Variants in EXOC5 observed in about 807,000 individuals in gnomAD.
EXOC5 encodes SEC10-like 1.
In EXOC5, 17 loss-of-function variants were observed where a neutral mutation model predicts 90.8. That is an observed-to-expected ratio of 0.19 (90% CI 0.13 to 0.28). EXOC5 has a LOEUF of 0.28. Ranked by LOEUF, EXOC5 falls within the 10% of genes least tolerant of loss-of-function variation. The pLI is 1.00. For synonymous variants in EXOC5, 260 were observed against 270.0 expected (o/e 0.96, Z 0.36); for missense variants, 569 against 830.6 (o/e 0.69, Z 3.87).
At chr14:57,214,182 C>T (rs191991723) in intron 15 of EXOC5, among the ~76,000 whole-genome samples, 1 of 151,980 alleles carries the variant, frequency 6.6e-6, no homozygotes, top group Non-Finnish European at 1.5e-5. Context: ...TACACACATG[C>T]CATTTTATTA....
intron 14 of EXOC5, 125 bp downstream of exon 14, chr14:57,219,197 C>A: frequency 2.1e-6 from 1 of 465,664 alleles, no homozygotes; most frequent in Middle Eastern, 5.9e-4. Context: ...TATTTCATTT[C>A]ACTTGTCCAG....
At position 57,218,055 on chromosome 14, in the gene EXOC5, A is replaced by T. The variant is rs1594650872; in HGVS notation, c.1540T>A (p.Leu514Ile). The T allele has an allele frequency of 6.8e-7, 1 of 1,478,528 alleles. No individual in the cohort carries two copies. The highest frequency in any genetic ancestry group is 1.8e-4 in the Middle Eastern group (1 of 5,654). The allele number at this position is 1,478,528 out of a possible 1,614,324, so 91.6% of individuals were successfully genotyped here. The change falls in exon 15 of 18, where the codon TTA (leucine) becomes ATA (isoleucine). Residue 514 changes from leucine (L) to isoleucine (I), a missense_variant. Physicochemically the swap from Leu to Ile is conservative, Grantham distance 5 (BLOSUM62 2). Coordinates refer to ENST00000621441, the MANE Select transcript of EXOC5 (RefSeq NM_006544.4). Reference sequence around the variant, plus strand: ...TTTTTCTTCTGAAGGCATTCAGATAACTTAGGAGAAGAGCTATTGTATATT... The same window carrying T: ...TTTTTCTTCTGAAGGCATTCAGATATCTTAGGAGAAGAGCTATTGTATATT... ...LMPLISSSPK[L>I]SECLQKKKEI...
rs1882533718 is a variant in EXOC5, at chr14:57,202,402, T to C, written c.*6207A>G. The C allele has an allele frequency of 1.3e-5, 2 of 152,202 alleles. No homozygotes were observed. The allele number at this position is 152,202 out of a possible 1,614,324, so 9.4% of individuals were successfully genotyped here. ...TTAACTTCCCAATTTTCATGTATTGTAGTTATACTGAAGCATTCTTTCTTC... is the reference window on the plus strand; with the variant it reads ...TTAACTTCCCAATTTTCATGTATTGCAGTTATACTGAAGCATTCTTTCTTC... On this transcript the variant is annotated 3_prime_UTR_variant, in exon 18 of 18. Transcript: ENST00000621441.
chr14:57,247,121 C>A (rs1256784874), intron 2 of EXOC5, among the ~76,000 whole-genome samples: 1 of 152,088 alleles, frequency 6.6e-6, no homozygotes, highest in Non-Finnish European at 1.5e-5. Context: ...CAGGCTTTAA[C>A]TATTGACTTT....
chr14:57,219,116 T>C (rs1461455159), intron 14 of EXOC5, among the ~76,000 whole-genome samples: 1 of 152,072 alleles, frequency 6.6e-6, no homozygotes, highest in Non-Finnish European at 1.5e-5. Context: ...AATAATATAG[T>C]GGAAAGAGAA....
chr14:57,238,227 C>T (rs1362198210), intron 5 of EXOC5, among the ~76,000 whole-genome samples: 2,829 of 109,752 alleles, frequency 0.026, 89 homozygotes, highest in African/African-American at 0.13. Context: ...TATATATACA[C>T]ACACACACAC....
chr14:57,230,746 C>A (rs1170639938), intron 11 of EXOC5, among the ~76,000 whole-genome samples: 3 of 152,014 alleles, frequency 2.0e-5, no homozygotes, highest in African/African-American at 7.3e-5. Context: ...TAATTGTAGG[C>A]ATTAAGGTAT....
Position 57,255,172 on chromosome 14 carries a change from C to T in EXOC5, c.28-7460G>A, listed in dbSNP as rs138212261. On this transcript the variant is annotated intron_variant, in intron 1 of 17. Coordinates refer to ENST00000621441, the MANE Select transcript of EXOC5 (RefSeq NM_006544.4). ...CCCCAACTGCAAGGGGTCCTACTTA[C>T]CAAGGCTGATCCAGCTACTGTGAAA... 3.4e-3 allele frequency among the ~76,000 whole-genome samples: 514 copies of T among 152,256 alleles called. 2 individuals are homozygous for T. Among genetic ancestry groups the T allele is most frequent in the Middle Eastern group, 0.01 (3 of 294 alleles).
chr14:57,224,701 G>A (rs951755593), intron 12 of EXOC5, among the ~76,000 whole-genome samples: 2 of 152,068 alleles, frequency 1.3e-5, no homozygotes, highest in African/African-American at 4.8e-5. Flanking sequence ...GAGGGGTGGT[G>A]GAAATATTTC....
At chr14:57,240,760 C>T (rs1021215932) in intron 4 of EXOC5, among the ~76,000 whole-genome samples, 2 of 152,174 alleles carry the variant, frequency 1.3e-5, no homozygotes, top group Admixed American at 6.5e-5. Flanking sequence ...TTTAATAATT[C>T]ATTTTATGAA....
At chr14:57,247,592 T>C in intron 2 of EXOC5, 26 bp downstream of exon 2, 2 of 1,193,494 alleles carry the variant, frequency 1.7e-6, no homozygotes, top group South Asian at 1.4e-5. Context: ...ATTAGATCTG[T>C]GGGGAAAAAA....
At chr14:57,242,219 GT>G (rs1371735849) in intron 4 of EXOC5, among the ~76,000 whole-genome samples, 1 of 150,028 alleles carries the variant, frequency 6.7e-6, no homozygotes, top group Non-Finnish European at 1.5e-5. Context: ...GGTTTTTTTT[GT>G]TTTTGTTTTT....
At chr14:57,231,048 G>A (rs1038798126) in intron 11 of EXOC5, among the ~76,000 whole-genome samples, 8 of 144,868 alleles carry the variant, frequency 5.5e-5, no homozygotes, top group East Asian at 4.0e-4. Flanking sequence ...TTGCTGTGTC[G>A]CCCAGGCTGG....
chr14:57,241,337 G>A (rs1883851410), intron 4 of EXOC5, among the ~76,000 whole-genome samples: 1 of 152,118 alleles, frequency 6.6e-6, no homozygotes, highest in Non-Finnish European at 1.5e-5. Context: ...ACTCTGTCCT[G>A]TTGTATATGG....
chr14:57,210,412 G>A (rs1282435316), intron 15 of EXOC5, among the ~76,000 whole-genome samples: 1 of 152,072 alleles, frequency 6.6e-6, no homozygotes, highest in African/African-American at 2.4e-5. Context: ...AAATTCTTGG[G>A]ACCAGAAGTG....
Position 57,268,813 on chromosome 14 carries a change from C to G in EXOC5, c.-165G>C, listed in dbSNP as rs1443553200. 4 of 1,400,728 alleles carry G rather than the reference C, an allele frequency of 2.9e-6. No individual in the cohort carries two copies. In the African/African-American group the frequency reaches 6.1e-5, roughly 21 times the overall value. The allele number at this position is 1,400,728 out of a possible 1,614,324, so 86.8% of individuals were successfully genotyped here. A position where few individuals can be genotyped will look rare whatever the true frequency, so the allele number is the denominator to read the frequency against. ...GATCCCAGGAGGGGCGGGAGAGCGG[C>G]CATGAAGCGAAGCCGCAAACGCTTG... On this transcript the variant is annotated 5_prime_UTR_variant, in exon 1 of 18. Transcript: ENST00000621441.
chr14:57,224,561 A>G (rs1004754603), intron 12 of EXOC5, among the ~76,000 whole-genome samples: 16 of 152,236 alleles, frequency 1.1e-4, no homozygotes, highest in African/African-American at 3.9e-4. Flanking sequence ...GTATCTACTA[A>G]AGAAGTTGAA....
chr14:57,238,225 C>T (rs10132038), intron 5 of EXOC5, among the ~76,000 whole-genome samples: 1,063 of 22,236 alleles, frequency 0.048, 13 homozygotes, highest in African/African-American at 0.11. Flanking sequence ...CATATATATA[C>T]ACACACACAC....
chr14:57,212,719 A>G (rs1031021301), intron 15 of EXOC5, among the ~76,000 whole-genome samples: 2 of 152,182 alleles, frequency 1.3e-5, no homozygotes, highest in African/African-American at 2.4e-5. Flanking sequence ...CTTTATCACA[A>G]CAAACCTTTA....
Sources: gnomAD v4.1 joint callset for allele counts (sites outside exome capture counted in the v4.1 genomes callset) on GRCh38, gnomAD v4.1.1 for gene constraint, MANE v1.5 for transcripts, NCBI Gene and HGNC (gene_info 2026-07-23, HGNC 2026-07-21) for gene names.